ARHGAP26: variants seen among roughly 807,000 people sequenced by gnomAD.
ARHGAP26 encodes the protein Rho GTPase activating protein 26.
A neutral mutation model predicts 104.8 loss-of-function variants in ARHGAP26; 38 were observed. The ratio of observed to expected loss-of-function variants is 0.36; its 90% CI spans 0.28 to 0.48. The LOEUF (loss-of-function observed/expected upper bound fraction) is 0.48, where lower values mean the gene tolerates loss of function less well. Ranked by LOEUF, ARHGAP26 falls within the 20% of genes least tolerant of loss-of-function variation. The pLI, the probability that ARHGAP26 is intolerant of heterozygous loss-of-function variation, is 0.99. For missense variants in ARHGAP26, 704 were observed against 947.9 expected (o/e 0.74, Z 3.38); for synonymous variants, 341 against 340.0 (o/e 1.00, Z -0.03).
chr5:142,951,001 CTTTCCCTTTCCCTTTCCCTTTCT>C (rs1405476443), intron 11 of ARHGAP26, among the ~76,000 whole-genome samples: 62 of 8,142 alleles, frequency 7.6e-3, no homozygotes, highest in African/African-American at 0.022. Context: ...TTCCCTTTCT[CTTTCCCTTTCCCTTTCCCTTTCT>C]CTTTCCCTTT....
intron 11 of ARHGAP26, among the ~76,000 whole-genome samples, chr5:143,009,688 C>G (rs1778469155): frequency 1.3e-5 from 2 of 152,190 alleles, no homozygotes; most frequent in African/African-American, 4.8e-5. Flanking sequence ...GAAGCATATA[C>G]TTGAAAATAG....
chr5:143,091,323 A>G (rs1336352794), intron 17 of ARHGAP26, among the ~76,000 whole-genome samples: 3 of 152,138 alleles, frequency 2.0e-5, no homozygotes, highest in African/African-American at 7.2e-5. Flanking sequence ...GGCTGGTGCT[A>G]TTTACCAGAA....
At chr5:142,917,165 G>T (rs1448035651) in intron 10 of ARHGAP26, among the ~76,000 whole-genome samples, 1 of 151,702 alleles carries the variant, frequency 6.6e-6, no homozygotes. Context: ...TCAGCCTCCT[G>T]AGCAGCTGGG....
intron 6 of ARHGAP26, among the ~76,000 whole-genome samples, chr5:142,897,192 C>T (rs1368464871): frequency 6.6e-6 from 1 of 152,020 alleles, no homozygotes; most frequent in East Asian, 1.9e-4. Flanking sequence ...TATAGATGTG[C>T]CAGAGGGATT....
chr5:143,159,086 G>C (rs1222662235), intron 20 of ARHGAP26, among the ~76,000 whole-genome samples: 1 of 152,170 alleles, frequency 6.6e-6, no homozygotes, highest in Admixed American at 6.5e-5. Context: ...AACATGAGAG[G>C]AAAGTGGTAC....
chr5:143,152,384 T>TA (rs982396445), intron 20 of ARHGAP26, among the ~76,000 whole-genome samples: 4 of 152,302 alleles, frequency 2.6e-5, no homozygotes, highest in Middle Eastern at 3.4e-3. Context: ...AAAACTGCTC[T>TA]AAAAAATAGA....
intron 20 of ARHGAP26, among the ~76,000 whole-genome samples, chr5:143,155,193 A>G (rs1800328694): frequency 6.6e-6 from 1 of 152,176 alleles, no homozygotes; most frequent in South Asian, 2.1e-4. Flanking sequence ...TGCTCCCCAC[A>G]GTGCCCTTGG....
At chr5:142,789,204 G>A (rs936111648) in intron 1 of ARHGAP26, among the ~76,000 whole-genome samples, 3 of 152,198 alleles carry the variant, frequency 2.0e-5, no homozygotes, top group Non-Finnish European at 4.4e-5. Context: ...ACACAAAAAT[G>A]TAGCAGCTAT....
At position 143,227,345 on chromosome 5, in the gene ARHGAP26, A is replaced by G; in HGVS notation, c.*4899A>G. On this transcript the variant is annotated 3_prime_UTR_variant, in exon 23 of 23. Transcript: ENST00000645722. ...TTATCTATCATCTCTGGCAAACTTGACAATCATCACTTACCTCGACAACCC... is the reference window on the plus strand; with the variant it reads ...TTATCTATCATCTCTGGCAAACTTGGCAATCATCACTTACCTCGACAACCC... 4.3e-6 allele frequency: 1 copy of G among 231,274 alleles called. No homozygotes were observed. The highest frequency in any genetic ancestry group is 8.6e-6 in the Non-Finnish European group (1 of 116,808). The allele number at this position is 231,274 out of a possible 1,614,324, so 14.3% of individuals were successfully genotyped here.
At chr5:143,148,257 C>T (rs560950047) in intron 20 of ARHGAP26, among the ~76,000 whole-genome samples, 43 of 152,166 alleles carry the variant, frequency 2.8e-4, no homozygotes, top group Non-Finnish European at 4.0e-4. Flanking sequence ...CGTGGGGAGA[C>T]GCTAGCATGG....
At chr5:143,093,602 T>C (rs1356527060) in intron 17 of ARHGAP26, among the ~76,000 whole-genome samples, 1 of 151,974 alleles carries the variant, frequency 6.6e-6, no homozygotes, top group Non-Finnish European at 1.5e-5. Context: ...CTCTCTGTCT[T>C]TGACTCCATC....
At chr5:142,948,343 A>T (rs527522877) in intron 11 of ARHGAP26, among the ~76,000 whole-genome samples, 1 of 152,136 alleles carries the variant, frequency 6.6e-6, no homozygotes, top group East Asian at 1.9e-4. Context: ...ATATATGAAT[A>T]TGTGTGCATA....
intron 5 of ARHGAP26, among the ~76,000 whole-genome samples, chr5:142,890,166 A>G (rs1205875673): frequency 1.2e-5 from 1 of 82,414 alleles, no homozygotes; most frequent in East Asian, 3.5e-4. Context: ...ATATATATAT[A>G]TATATATATA....
chr5:143,213,785 A>C (rs1562624309), intron 21 of ARHGAP26, among the ~76,000 whole-genome samples: 1 of 152,158 alleles, frequency 6.6e-6, no homozygotes, highest in Non-Finnish European at 1.5e-5. Context: ...AGTTTCTTGA[A>C]GCTTATGGCT....
At chr5:142,850,661 A>G (rs974960983) in intron 1 of ARHGAP26, among the ~76,000 whole-genome samples, 3 of 152,172 alleles carry the variant, frequency 2.0e-5, no homozygotes, top group African/African-American at 7.2e-5. Context: ...ATTGAAGGAG[A>G]TGGTATAAGT....
At chr5:142,926,763 CTT>C (rs1763964808) in intron 10 of ARHGAP26, among the ~76,000 whole-genome samples, 1 of 152,068 alleles carries the variant, frequency 6.6e-6, no homozygotes, top group Non-Finnish European at 1.5e-5. Context: ...TGGGTTGTTT[CTT>C]TTCCCTTTGA....
At chr5:143,065,411 T>A (rs550315593) in intron 17 of ARHGAP26, among the ~76,000 whole-genome samples, 1 of 152,180 alleles carries the variant, frequency 6.6e-6, no homozygotes. Context: ...TTCAGAACAA[T>A]TGTGGCTGAA....
At chr5:142,855,575 A>G (rs1422705638) in intron 1 of ARHGAP26, among the ~76,000 whole-genome samples, 3 of 152,194 alleles carry the variant, frequency 2.0e-5, no homozygotes, top group African/African-American at 7.2e-5. Context: ...CTGTGTGTCC[A>G]TCTATCCTGC....
chr5:142,843,626 C>A (rs917393186), intron 1 of ARHGAP26, among the ~76,000 whole-genome samples: 10 of 152,118 alleles, frequency 6.6e-5, no homozygotes, highest in African/African-American at 1.9e-4. Flanking sequence ...CACTACACTT[C>A]CTTATGGCGT....
Sources: gnomAD v4.1 joint callset for allele counts (sites outside exome capture counted in the v4.1 genomes callset) on GRCh38, gnomAD v4.1.1 for gene constraint, MANE v1.5 for transcripts, NCBI Gene and HGNC (gene_info 2026-07-23, HGNC 2026-07-21) for gene names.